The following SLC12A7 variants were observed in gnomAD, a reference collection of about 807,000 sequenced individuals.
The protein encoded by SLC12A7 is solute carrier family 12 member 7, also known as K-Cl cotransporter 4.
In SLC12A7, 100 loss-of-function variants were observed where a neutral mutation model predicts 120.6. The ratio of observed to expected loss-of-function variants is 0.83; its 90% confidence interval spans 0.71 to 0.98. The LOEUF (loss-of-function observed/expected upper bound fraction) is 0.98, where lower values mean the gene tolerates loss of function less well. Among genes scored for constraint, SLC12A7 ranks in the 50% least tolerant of loss-of-function variants. SLC12A7 has a pLI of 0.00. For missense variants in SLC12A7, 1,373 were observed against 1,548.1 expected, an observed-to-expected ratio of 0.89 and a Z score of 1.90; for synonymous variants, 760 against 678.0, an observed-to-expected ratio of 1.12 and a Z score of -1.88.
At chr5:1,092,496 G>A (rs529897564) in intron 3 of SLC12A7, among the ~76,000 whole-genome samples, 1 of 152,234 alleles carries the variant, frequency 6.6e-6, no homozygotes, top group Non-Finnish European at 1.5e-5. Flanking sequence ...CCTCCCTTCT[G>A]AGAAGATAGG....
the SLC12A7 span, among the ~76,000 whole-genome samples, chr5:1,132,771 C>T: frequency 5.9e-5 from 9 of 152,206 alleles, no homozygotes; most frequent in Non-Finnish European, 1.2e-4. Context: ...GGGCCAGCAC[C>T]GCCTCCCAAG....
At chr5:1,104,512 T>TC (rs1342935360) in intron 1 of SLC12A7, among the ~76,000 whole-genome samples, 1 of 152,094 alleles carries the variant, frequency 6.6e-6, no homozygotes, top group Non-Finnish European at 1.5e-5. Context: ...CGTGCGGCTA[T>TC]CCATGGCCAG....
chr5:1,053,590 T>C, intron 22 of SLC12A7, 108 bp from the exon 23 acceptor site: 2 of 1,397,442 alleles, frequency 1.4e-6, no homozygotes, highest in Non-Finnish European at 1.9e-6. Context: ...TGGAAAGGGC[T>C]GTGTGAGTCA....
intron 15 of SLC12A7, 77 bp from the exon 16 acceptor site, chr5:1,074,748 G>C: frequency 7.2e-7 from 1 of 1,391,602 alleles, no homozygotes; most frequent in Non-Finnish European, 1.0e-6. Flanking sequence ...GGGACTTCTG[G>C]GGGCAGGTGA....
the SLC12A7 span, among the ~76,000 whole-genome samples, chr5:1,119,744 G>C: frequency 2.0e-5 from 3 of 152,258 alleles, no homozygotes; most frequent in African/African-American, 7.2e-5. Flanking sequence ...TGCATGTCAG[G>C]GTGCAGACCA....
chr5:1,117,492 T>C, the SLC12A7 span, among the ~76,000 whole-genome samples: 2 of 152,268 alleles, frequency 1.3e-5, no homozygotes, highest in African/African-American at 4.8e-5. The surrounding 1 kb of genome is among the most constrained non-coding windows in gnomAD (Gnocchi z 4.5). Flanking sequence ...AGCCACAAGA[T>C]TAAAGAAATT....
chr5:1,137,893 C>G, the SLC12A7 span, among the ~76,000 whole-genome samples: 6 of 152,324 alleles, frequency 3.9e-5, no homozygotes, highest in East Asian at 1.2e-3. Flanking sequence ...TCGGCGCCAG[C>G]GCTGTGGAAG....
chr5:1,146,891 C>A, the SLC12A7 span, among the ~76,000 whole-genome samples: 6 of 152,190 alleles, frequency 3.9e-5, no homozygotes, highest in Non-Finnish European at 8.8e-5. This position sits in a 1 kb window ranked among gnomAD's most constrained non-coding sequence, Gnocchi z 6.5. Context: ...CAATGTATAT[C>A]TTAAATGTCT....
intron 1 of SLC12A7, among the ~76,000 whole-genome samples, chr5:1,109,073 C>A (rs1175923978): frequency 1.3e-5 from 2 of 152,198 alleles, no homozygotes; most frequent in African/African-American, 4.8e-5. Context: ...CAGGACCCAC[C>A]CTCTCCCAGC....
the SLC12A7 span, among the ~76,000 whole-genome samples, chr5:1,154,911 A>C: frequency 1.3e-5 from 2 of 152,200 alleles, no homozygotes; most frequent in African/African-American, 2.4e-5. Flanking sequence ...CGAGAGAGTG[A>C]CAGCTCAGGG....
In SLC12A7 at chr5:1,076,801, G is replaced by A. The variant is rs139969138; in HGVS notation, c.1641C>T (p.His547=). 91 of 1,608,314 alleles carry A rather than the reference G, an allele frequency of 5.7e-5. No individual in the cohort carries two copies. The highest frequency in any genetic ancestry group is 1.8e-4 in the Admixed American group (11 of 59,998). ...GIVPFLQVFG[H]GKANGEPTWA... ...ACGTGGGCTCCCCGTTGGCCTTCCC[G>A]TGGCCAAACACCTGCAGGGAGAAGG... Residue 547 remains histidine (H), a synonymous_variant, in exon 13 of 24, where the codon CAC becomes CAT. Transcript: ENST00000264930.
chr5:1,100,284 G>A (rs1741887194), intron 1 of SLC12A7, among the ~76,000 whole-genome samples: 1 of 152,252 alleles, frequency 6.6e-6, no homozygotes, highest in South Asian at 2.1e-4. Context: ...GCTCCATTCT[G>A]CAGACACGCC....
In SLC12A7 at chr5:1,111,952, C is replaced by A; in HGVS notation, c.40G>T (p.Ala14Ser). The A allele has an allele frequency of 1.5e-6, 2 of 1,295,274 alleles. No individual in the cohort carries two copies. The highest frequency in any genetic ancestry group is 3.0e-5 in the East Asian group (1 of 33,034). 80.2% of individuals were successfully genotyped at this position (1,295,274 alleles called of 1,614,324 possible). ...NFTVVPVEAH[A>S]DGGGDETAER... ...GCAGTCTCGTCCCCGCCGCCGTCGG[C>A]GTGAGCCTCCACGGGCACCACGGTG... is the stretch of plus-strand genomic sequence containing the variant. The change falls in exon 1 of 24, where the codon GCC becomes TCC. Residue 14 changes from alanine to serine, a missense_variant. Ala to Ser is a moderately conservative substitution (Grantham distance 99). Coordinates refer to ENST00000264930, the MANE Select transcript of SLC12A7 (RefSeq NM_006598.3).
At chr5:1,111,557 C>G (rs1209923027) in intron 1 of SLC12A7, among the ~76,000 whole-genome samples, 2 of 152,158 alleles carry the variant, frequency 1.3e-5, no homozygotes, top group African/African-American at 4.8e-5. Context: ...CCCAGGGGCC[C>G]GGGCTCCCTC....
the SLC12A7 span, among the ~76,000 whole-genome samples, chr5:1,152,038 A>G: frequency 6.6e-6 from 1 of 152,094 alleles, no homozygotes; most frequent in Non-Finnish European, 1.5e-5. Flanking sequence ...CCATCTGTGA[A>G]ATGGTCCTAT....
intron 8 of SLC12A7, among the ~76,000 whole-genome samples, chr5:1,082,769 T>G (rs1264494628): frequency 2.8e-5 from 3 of 107,196 alleles, no homozygotes; most frequent in South Asian, 3.7e-4. Context: ...CTTCCCGTCT[T>G]GGGTTCTGGA....
rs577018099 is a variant in SLC12A7, at chr5:1,084,296, G to A, written c.918-340C>T. 8.5e-5 allele frequency among the ~76,000 whole-genome samples: 13 copies of A among 152,322 alleles called. No homozygotes were observed. In the South Asian group the frequency reaches 1.2e-3, roughly 15 times the overall value. On this transcript the variant is annotated intron_variant, in intron 7 of 23. Coordinates refer to ENST00000264930, the MANE Select transcript of SLC12A7 (RefSeq NM_006598.3). Reference sequence around the variant, plus strand: ...ACGTGCTAAATGAAGCGTTCTAGACGTAAACAATTCACACGTTTTCCACCG... The same window carrying A: ...ACGTGCTAAATGAAGCGTTCTAGACATAAACAATTCACACGTTTTCCACCG...
At position 1,079,378 on chromosome 5, in the gene SLC12A7, C is replaced by A; in HGVS notation, c.1396+20G>T. On this transcript the variant is annotated intron_variant, in intron 10 of 23. Transcript: ENST00000264930. The stretch of plus-strand genomic sequence containing the variant: ...CCCAGGCAGAGGCTGGAACCCTCGC[C>A]TGCACCCCTCCAAGGATACAGATGA... 6.3e-7 allele frequency: 1 copy of A among 1,598,920 alleles called. No individual in the cohort carries two copies. Among genetic ancestry groups the A allele is most frequent in the Non-Finnish European group, 8.6e-7 (1 of 1,167,390 alleles).
At chr5:1,113,458 G>T (rs1056665438), upstream of SLC12A7, among the ~76,000 whole-genome samples, 6 of 152,174 alleles carry the variant, frequency 3.9e-5, no homozygotes, top group Admixed American at 3.9e-4. Context: ...CTACCCCTTT[G>T]CCCCATGGAC....
Sources: allele counts gnomAD v4.1 joint callset (sites outside exome capture counted in the v4.1 genomes callset), GRCh38; gene constraint gnomAD v4.1.1; non-coding constraint Gnocchi (gnomAD v3.1); transcripts MANE v1.5; gene names NCBI Gene and HGNC (gene_info 2026-07-23, HGNC 2026-07-21).